The following ZCCHC14 variants were observed in gnomAD, a reference collection of about 807,000 sequenced individuals.
ZCCHC14 encodes the protein zinc finger CCHC domain-containing protein 14.
In ZCCHC14, 16 loss-of-function variants were observed where a neutral mutation model predicts 85.0. The ratio of observed to expected loss-of-function variants is 0.19; its 90% CI spans 0.13 to 0.29. The LOEUF is 0.29. Among genes scored for constraint, ZCCHC14 ranks in the 10% least tolerant of loss-of-function variants. The pLI, the probability that ZCCHC14 is intolerant of heterozygous loss-of-function variation, is 1.00. For missense variants in ZCCHC14, 1,303 were observed against 1,443.5 expected (o/e 0.90, Z 1.58); for synonymous variants, 775 against 630.7 (o/e 1.23, Z -3.43).
In ZCCHC14 at chr16:87,409,117, A is replaced by T. The variant is rs1194972831; in HGVS notation, c.*1163T>A. The T allele has an allele frequency of 6.6e-6, 1 of 152,444 alleles. No homozygotes were observed. The allele number at this position is 152,444 out of a possible 1,614,324, so 9.4% of individuals were successfully genotyped here. A position where few individuals can be genotyped will look rare whatever the true frequency, so the allele number is the denominator to read the frequency against. The stretch of plus-strand genomic sequence containing the variant: ...AGCTCTCGGGTGTGTGGCCTCTTCC[A>T]GAGTCCTACCACTTCCCACTGTTTT... On this transcript the variant is annotated 3_prime_UTR_variant, in exon 13 of 13. Coordinates refer to ENST00000671377, the MANE Select transcript of ZCCHC14 (RefSeq NM_015144.3).
chr16:87,428,673 A>G (rs1597410495), intron 3 of ZCCHC14, among the ~76,000 whole-genome samples: 1 of 152,178 alleles, frequency 6.6e-6, no homozygotes, highest in South Asian at 2.1e-4. Context: ...AGGGAGCATC[A>G]CCCCTGAGGT....
rs748147381 is a variant in ZCCHC14, at chr16:87,411,583, G to A, written c.3138C>T (p.Tyr1046=). 19 of 1,613,840 alleles carry A rather than the reference G, an allele frequency of 1.2e-5. No individual in the cohort carries two copies. The highest frequency in any genetic ancestry group is 1.5e-5 in the Non-Finnish European group (18 of 1,180,036). The change falls in exon 12 of 13, where the codon TAC becomes TAT. Residue 1046 remains tyrosine (Y), a synonymous_variant. Coordinates refer to ENST00000671377, the MANE Select transcript of ZCCHC14 (RefSeq NM_015144.3). ...CGCGGTGACCAGTGGCCCCGCAGTT[G>A]TAACAAGATAGGTTCCCGCTCTTTT... is the stretch of plus-strand genomic sequence containing the variant. ...SHKKSGNLSC[Y]NCGATGHRAQ...
chr16:87,487,969 G>T (rs1912589974), intron 1 of ZCCHC14, among the ~76,000 whole-genome samples: 1 of 152,084 alleles, frequency 6.6e-6, no homozygotes, highest in Non-Finnish European at 1.5e-5. Flanking sequence ...CAAGGGTTGG[G>T]GGGAGGGGGA....
chr16:87,475,407 C>T (rs1335953058), intron 1 of ZCCHC14, among the ~76,000 whole-genome samples: 1 of 151,698 alleles, frequency 6.6e-6, no homozygotes, highest in African/African-American at 2.4e-5. Context: ...AAAAAAATTA[C>T]CTGAGTGTGG....
intron 2 of ZCCHC14, among the ~76,000 whole-genome samples, chr16:87,445,103 T>A (rs969781835): frequency 4.0e-5 from 6 of 151,600 alleles, no homozygotes; most frequent in Non-Finnish European, 8.8e-5. Context: ...AGTCTTGCTG[T>A]GTCACCAGGC....
At chr16:87,473,787 A>G (rs535940575) in intron 1 of ZCCHC14, 1 of 152,176 alleles carries the variant, frequency 6.6e-6, no homozygotes, top group East Asian at 1.9e-4. Flanking sequence ...TTAGGCATCT[A>G]GGATGGGAAA....
chr16:87,451,459 A>G (rs553416443), intron 2 of ZCCHC14, among the ~76,000 whole-genome samples: 44 of 152,226 alleles, frequency 2.9e-4, no homozygotes, highest in African/African-American at 9.6e-4. Context: ...CAGCCTCCCA[A>G]AGTGCTGGGA....
At chr16:87,446,833 A>G (rs925020026) in intron 2 of ZCCHC14, among the ~76,000 whole-genome samples, 3 of 151,782 alleles carry the variant, frequency 2.0e-5, no homozygotes, top group Non-Finnish European at 4.4e-5. Flanking sequence ...ACAGGCACAC[A>G]CCACCATGCC....
chr16:87,443,339 A>G (rs1470253734), intron 2 of ZCCHC14, among the ~76,000 whole-genome samples: 1 of 151,964 alleles, frequency 6.6e-6, no homozygotes, highest in Non-Finnish European at 1.5e-5. Context: ...CAAGAAACCT[A>G]TTTTTTTTAA....
chr16:87,416,147 A>C (rs995762425), intron 8 of ZCCHC14, among the ~76,000 whole-genome samples: 3 of 151,920 alleles, frequency 2.0e-5, no homozygotes, highest in African/African-American at 7.2e-5. Flanking sequence ...GCTGGTCTTC[A>C]ACTCCTGACC....
intron 2 of ZCCHC14, among the ~76,000 whole-genome samples, chr16:87,446,483 C>CAA (rs11364740): frequency 8.5e-4 from 122 of 144,298 alleles, no homozygotes; most frequent in East Asian, 2.1e-3. Flanking sequence ...GACTCCATCT[C>CAA]AAAAAAAAAA....
chr16:87,421,452 G>C (rs1458019978), intron 4 of ZCCHC14, among the ~76,000 whole-genome samples: 2 of 152,190 alleles, frequency 1.3e-5, no homozygotes, highest in Non-Finnish European at 2.9e-5. Context: ...GCTGGAGGAG[G>C]TCAGCTCCTG....
Position 87,491,696 on chromosome 16 carries a change from C to T in ZCCHC14, c.543G>A (p.Ala181=), listed in dbSNP as rs1272836862. ...TGTGGCAGGCTGGGCAAGTGGGCAG[C>T]GCGCCGCCCGGCCCGGGCGCGCCCT... ...GGKGAPGPGG[A]LPTCPACHKI... is the part of the protein sequence containing the mutation. Residue 181 remains alanine, a synonymous_variant, in exon 1 of 13, where the codon GCG becomes GCA. Transcript: ENST00000671377. This position sits in a 1 kb window ranked among gnomAD's most constrained non-coding sequence, Gnocchi z 5.9. The T allele has an allele frequency of 3.5e-6, 5 of 1,438,270 alleles. No individual in the cohort carries two copies. The highest frequency in any genetic ancestry group is 3.5e-5 in the Admixed American group (1 of 28,564). The allele number at this position is 1,438,270 out of a possible 1,614,324, so 89.1% of individuals were successfully genotyped here.
At chr16:87,440,079 C>T (rs897890968) in intron 2 of ZCCHC14, among the ~76,000 whole-genome samples, 2 of 152,174 alleles carry the variant, frequency 1.3e-5, no homozygotes, top group Non-Finnish European at 2.9e-5. Flanking sequence ...GCAGCCAAGA[C>T]TACAGGTGAA....
chr16:87,464,474 G>A (rs879617777), intron 1 of ZCCHC14, among the ~76,000 whole-genome samples: 2 of 152,176 alleles, frequency 1.3e-5, no homozygotes, highest in Non-Finnish European at 2.9e-5. Context: ...AGGAGACCCA[G>A]AGAAAACAGG....
chr16:87,464,565 G>A (rs111809800), intron 1 of ZCCHC14, among the ~76,000 whole-genome samples: 3 of 152,252 alleles, frequency 2.0e-5, no homozygotes, highest in African/African-American at 4.8e-5. Flanking sequence ...GGGAAAGCCC[G>A]TGAGCCACCC....
chr16:87,490,393 C>A (rs1410051290), intron 1 of ZCCHC14, among the ~76,000 whole-genome samples: 1 of 152,232 alleles, frequency 6.6e-6, no homozygotes, highest in Non-Finnish European at 1.5e-5. Flanking sequence ...CTATTCCCTT[C>A]CAAAAAATAA....
At chr16:87,438,861 G>C (rs569217725) in intron 2 of ZCCHC14, among the ~76,000 whole-genome samples, 1 of 152,316 alleles carries the variant, frequency 6.6e-6, no homozygotes, top group East Asian at 1.9e-4. Flanking sequence ...AAATGCAACT[G>C]ATTTATCTCC....
chr16:87,420,633 G>A lies in ZCCHC14; in HGVS notation c.924C>T (p.Asn308=), dbSNP rs768760953. ...AGPDAFYVER[N]HVDLDSGLRY... ...TCAGGCCTGAGTCCAGATCCACGTG[G>A]TTTCGCTCCACATAAAATGCGTCCG... Residue 308 remains asparagine, a synonymous_variant, in exon 5 of 13, where the codon AAC becomes AAT. Coordinates refer to ENST00000671377, the MANE Select transcript of ZCCHC14 (RefSeq NM_015144.3). The surrounding 1 kb of genome is among the most constrained non-coding windows in gnomAD (Gnocchi z 5.0). The A allele has an allele frequency of 6.2e-7, 1 of 1,613,806 alleles. No homozygotes were observed. The highest frequency in any genetic ancestry group is 8.5e-7 in the Non-Finnish European group (1 of 1,179,846).
Sources: allele counts gnomAD v4.1 joint callset (sites outside exome capture counted in the v4.1 genomes callset), GRCh38; gene constraint gnomAD v4.1.1; non-coding constraint Gnocchi (gnomAD v3.1); transcripts MANE v1.5; gene names NCBI Gene and HGNC (gene_info 2026-07-23, HGNC 2026-07-21).